CCDC144A: variants seen among roughly 807,000 people sequenced by gnomAD.
CCDC144A encodes coiled-coil domain containing 144A.
A neutral mutation model predicts 143.8 loss-of-function variants in CCDC144A; 41 were observed. The ratio of observed to expected loss-of-function variants is 0.29; its 90% CI spans 0.22 to 0.37. CCDC144A has a LOEUF of 0.37. Ranked by LOEUF, CCDC144A falls within the 10% of genes least tolerant of loss-of-function variation. The pLI is 1.00. For missense variants in CCDC144A, 637 were observed against 1,488.8 expected, an observed-to-expected ratio of 0.43 and a Z score of 9.41; for synonymous variants, 242 against 517.9, an observed-to-expected ratio of 0.47 and a Z score of 7.23.
chr17:16,673,337 G>A, the CCDC144A span, among the ~76,000 whole-genome samples: 13 of 150,850 alleles, frequency 8.6e-5, no homozygotes, highest in African/African-American at 3.2e-4. Flanking sequence ...CATTTTTTAT[G>A]CTGTTTGCTA....
intron 15 of CCDC144A, chr17:16,765,054 T>G (rs1231437076): frequency 3.2e-5 from 3 of 93,180 alleles, no homozygotes. Flanking sequence ...AACCTTTTAG[T>G]TCAACCGTGT....
chr17:16,670,026 CA>C, the CCDC144A span, among the ~76,000 whole-genome samples: 1 of 151,818 alleles, frequency 6.6e-6, no homozygotes, highest in East Asian at 2.0e-4. Flanking sequence ...ACTAAAAATA[CA>C]AAAATTAGCC....
intron 12 of CCDC144A, among the ~76,000 whole-genome samples, chr17:16,751,902 C>A (rs1914812188): frequency 6.6e-6 from 1 of 152,258 alleles, no homozygotes; most frequent in Admixed American, 6.5e-5. Context: ...CCAGTGTCTG[C>A]CCCCAGGGCA....
At chr17:16,741,126 T>C (rs1199595894) in intron 12 of CCDC144A, among the ~76,000 whole-genome samples, 1 of 152,000 alleles carries the variant, frequency 6.6e-6, no homozygotes, top group Non-Finnish European at 1.5e-5. Context: ...TTCTATTTCT[T>C]GTTGTCTCCT....
chr17:16,770,840 T>A (rs1290796351), intron 15 of CCDC144A, among the ~76,000 whole-genome samples: 2 of 151,852 alleles, frequency 1.3e-5, no homozygotes, highest in Non-Finnish European at 2.9e-5. Context: ...GGGACATAGC[T>A]TGAAAAGGAT....
chr17:16,709,540 T>C lies in CCDC144A; in HGVS notation c.1483T>C (p.Leu495=), dbSNP rs751970885. Reference sequence around the variant, plus strand: ...ATCAGAAGTATATCTACATGAAGAATTACAGCAAGACATGCAAAAGTTTAA... The same window carrying C: ...ATCAGAAGTATATCTACATGAAGAACTACAGCAAGACATGCAAAAGTTTAA... ...RTSEVYLHEE[L]QQDMQKFKNE... The change falls in exon 5 of 17, where the codon TTA becomes CTA. Residue 495 remains leucine, a synonymous_variant. Transcript: ENST00000399273. The C allele has an allele frequency of 4.5e-5, 72 of 1,611,526 alleles. No homozygotes were observed. The highest frequency in any genetic ancestry group is 6.0e-5 in the Non-Finnish European group (71 of 1,179,642).
intron 8 of CCDC144A, among the ~76,000 whole-genome samples, chr17:16,724,368 T>A (rs1034192255): frequency 1.3e-5 from 2 of 152,084 alleles, no homozygotes; most frequent in African/African-American, 4.8e-5. Flanking sequence ...AAACTCTGTC[T>A]CTACTAAAAA....
At chr17:16,683,916 G>A in the CCDC144A span, 1 of 1,311,974 alleles carries the variant, frequency 7.6e-7, no homozygotes, top group Non-Finnish European at 1.1e-6. Context: ...AATGGGCGTA[G>A]AAAGCCACGA....
At chr17:16,676,521 A>C in the CCDC144A span, among the ~76,000 whole-genome samples, 7 of 151,836 alleles carry the variant, frequency 4.6e-5, no homozygotes, top group African/African-American at 1.7e-4. Flanking sequence ...CAAAAAAAAA[A>C]AAAAACACAA....
chr17:16,749,459 G>A (rs1253208784), intron 12 of CCDC144A, among the ~76,000 whole-genome samples: 1 of 152,160 alleles, frequency 6.6e-6, no homozygotes, highest in East Asian at 1.9e-4. Flanking sequence ...GAATGGTGTT[G>A]TGTGATTTCA....
chr17:16,703,043 C>T (rs1242605300), intron 2 of CCDC144A, among the ~76,000 whole-genome samples: 1 of 152,018 alleles, frequency 6.6e-6, no homozygotes, highest in Non-Finnish European at 1.5e-5. Context: ...AATTAATTAC[C>T]CTTAATAACT....
At chr17:16,757,581 G>A (rs1915154395) in intron 12 of CCDC144A, among the ~76,000 whole-genome samples, 2 of 152,234 alleles carry the variant, frequency 1.3e-5, no homozygotes, top group Admixed American at 6.5e-5. Context: ...AAGTGGCCTT[G>A]TCTTCAGGCT....
intron 15 of CCDC144A, among the ~76,000 whole-genome samples, chr17:16,768,392 G>A (rs1277766578): frequency 6.6e-6 from 1 of 152,156 alleles, no homozygotes; most frequent in East Asian, 1.9e-4. Context: ...AAGATTCTTG[G>A]TGGGCTTTTG....
chr17:16,686,156 C>T (rs371058255), upstream of CCDC144A, among the ~76,000 whole-genome samples: 3 of 141,718 alleles, frequency 2.1e-5, no homozygotes, highest in East Asian at 4.1e-4. Flanking sequence ...GTGCCAGTGG[C>T]GCGATTTCAG....
upstream of CCDC144A, among the ~76,000 whole-genome samples, chr17:16,688,907 A>G (rs533740891): frequency 2.0e-5 from 3 of 152,210 alleles, no homozygotes; most frequent in East Asian, 5.8e-4. Flanking sequence ...AGAGAGAGGG[A>G]TTTGAGACTG....
chr17:16,753,631 C>T (rs1914927510), intron 12 of CCDC144A, among the ~76,000 whole-genome samples: 2 of 151,990 alleles, frequency 1.3e-5, no homozygotes, highest in African/African-American at 4.8e-5. Context: ...TTGTGGCCTG[C>T]ACCTTTGCTG....
intron 12 of CCDC144A, among the ~76,000 whole-genome samples, chr17:16,752,237 G>A (rs1914830405): frequency 1.3e-5 from 2 of 152,202 alleles, no homozygotes; most frequent in Admixed American, 1.3e-4. Context: ...CTGTGCACGT[G>A]AGGGATCTAG....
intron 2 of CCDC144A, among the ~76,000 whole-genome samples, chr17:16,702,001 C>G (rs1415726469): frequency 6.6e-6 from 1 of 152,034 alleles, no homozygotes; most frequent in African/African-American, 2.4e-5. Flanking sequence ...ATATGTTCCT[C>G]TCTGGTTCTC....
chr17:16,753,742 C>T (rs1914935327), intron 12 of CCDC144A, among the ~76,000 whole-genome samples: 2 of 152,132 alleles, frequency 1.3e-5, no homozygotes, highest in African/African-American at 2.4e-5. Flanking sequence ...TTTCTGTTTT[C>T]CAATCTGGAT....
Sources: allele counts gnomAD v4.1 joint callset (sites outside exome capture counted in the v4.1 genomes callset), GRCh38; gene constraint gnomAD v4.1.1; transcripts MANE v1.5; gene names NCBI Gene and HGNC (gene_info 2026-07-23, HGNC 2026-07-21).